Variants in FGGY observed in about 807,000 individuals in gnomAD.
FGGY encodes FGGY carbohydrate kinase domain containing.
A neutral mutation model predicts 71.3 loss-of-function variants in FGGY; 72 were observed. The observed-to-expected ratio is 1.01, with a 90% confidence interval of 0.84 to 1.23. FGGY has a LOEUF of 1.23. Ranked by LOEUF, FGGY falls within the 50% of genes most tolerant of loss-of-function variation. The pLI, the probability that FGGY is intolerant of heterozygous loss-of-function variation, is 0.00. For missense variants in FGGY, 668 were observed against 682.3 expected (o/e 0.98, Z 0.23); for synonymous variants, 251 against 250.3 (o/e 1.00, Z -0.02).
intron 4 of FGGY, among the ~76,000 whole-genome samples, chr1:59,369,611 C>T (rs1238666743): frequency 6.6e-6 from 1 of 152,230 alleles, no homozygotes; most frequent in African/African-American, 2.4e-5. Flanking sequence ...ACTGCCTCCT[C>T]AAGTGGGTCC....
At chr1:59,334,949 C>T (rs1269597729) in intron 2 of FGGY, among the ~76,000 whole-genome samples, 1 of 152,104 alleles carries the variant, frequency 6.6e-6, no homozygotes, top group African/African-American at 2.4e-5. Flanking sequence ...TCCTGCAGTT[C>T]CACCCTCAGG....
chr1:59,726,299 T>A (rs2097947289), intron 14 of FGGY, among the ~76,000 whole-genome samples: 1 of 152,180 alleles, frequency 6.6e-6, no homozygotes, highest in East Asian at 1.9e-4. Context: ...TGGTATATAA[T>A]TCCTTTTACA....
intron 11 of FGGY, among the ~76,000 whole-genome samples, chr1:59,651,233 T>A (rs1462600305): frequency 6.6e-6 from 1 of 152,212 alleles, no homozygotes; most frequent in East Asian, 1.9e-4. Context: ...TTCTGTTGAT[T>A]TGGGGGTGGA....
intron 6 of FGGY, among the ~76,000 whole-genome samples, chr1:59,499,553 C>T (rs759847850): frequency 5.3e-5 from 8 of 151,716 alleles, no homozygotes; most frequent in Non-Finnish European, 8.8e-5. Context: ...CCATGGAAAG[C>T]GAAACTGCAG....
chr1:59,593,685 A>G (rs147343433), intron 8 of FGGY, among the ~76,000 whole-genome samples: 6 of 152,210 alleles, frequency 3.9e-5, no homozygotes, highest in Non-Finnish European at 1.5e-5. Flanking sequence ...AAGAACTTTT[A>G]TCTTTATTGA....
At chr1:59,520,090 T>A (rs2094782604) in intron 7 of FGGY, among the ~76,000 whole-genome samples, 2 of 152,208 alleles carry the variant, frequency 1.3e-5, no homozygotes, top group Non-Finnish European at 2.9e-5. Flanking sequence ...CAGCTTCAAA[T>A]GTCAAATGTC....
chr1:59,637,745 T>C (rs569959506), intron 10 of FGGY, among the ~76,000 whole-genome samples: 2 of 152,340 alleles, frequency 1.3e-5, no homozygotes, highest in Admixed American at 6.5e-5. Context: ...TGGGAACTTA[T>C]AATTTCTCTC....
At chr1:59,659,245 T>C (rs2097252473) in intron 11 of FGGY, among the ~76,000 whole-genome samples, 1 of 152,126 alleles carries the variant, frequency 6.6e-6, no homozygotes, top group African/African-American at 2.4e-5. Context: ...GGTAACTGAA[T>C]GGTGCCTGTG....
At chr1:59,588,012 T>G (rs1045508765) in intron 8 of FGGY, among the ~76,000 whole-genome samples, 13 of 152,080 alleles carry the variant, frequency 8.5e-5, no homozygotes, top group African/African-American at 3.1e-4. Context: ...CAGAAGGAAA[T>G]TCAAACCAAA....
chr1:59,595,958 G>GCTGAATA (rs2096518793), intron 8 of FGGY, among the ~76,000 whole-genome samples: 1 of 152,112 alleles, frequency 6.6e-6, no homozygotes, highest in Non-Finnish European at 1.5e-5. Context: ...GTTGCCTGCA[G>GCTGAATA]CTGAATACTG....
intron 6 of FGGY, among the ~76,000 whole-genome samples, chr1:59,477,938 G>T (rs2093332885): frequency 6.6e-6 from 1 of 152,156 alleles, no homozygotes; most frequent in Admixed American, 6.5e-5. Flanking sequence ...GGGGTTGGGG[G>T]TGGTATTTAT....
chr1:59,727,261 A>G (rs892268259), intron 14 of FGGY, among the ~76,000 whole-genome samples: 2 of 152,174 alleles, frequency 1.3e-5, no homozygotes, highest in East Asian at 1.9e-4. Context: ...TGTGATGTAC[A>G]TGTTCCACAT....
intron 10 of FGGY, among the ~76,000 whole-genome samples, chr1:59,632,997 ATTTCT>A (rs1273974324): frequency 1.2e-4 from 18 of 145,842 alleles, no homozygotes; most frequent in African/African-American, 4.1e-4. Context: ...ATTATTATAC[ATTTCT>A]TTTTTTTTTT....
chr1:59,417,833 AAATT>A (rs1170668863), intron 5 of FGGY, among the ~76,000 whole-genome samples: 8 of 152,222 alleles, frequency 5.3e-5, no homozygotes, highest in African/African-American at 1.7e-4. Context: ...ACTTAAATTT[AAATT>A]AATTAACTTT....
intron 8 of FGGY, among the ~76,000 whole-genome samples, chr1:59,586,804 G>A (rs1374729987): frequency 1.3e-5 from 2 of 152,166 alleles, no homozygotes; most frequent in African/African-American, 2.4e-5. Context: ...TGCATTTGAG[G>A]AAGAAGCAGC....
chr1:59,758,261 C>T (rs1296029813), intron 15 of FGGY, among the ~76,000 whole-genome samples: 6 of 152,208 alleles, frequency 3.9e-5, no homozygotes, highest in African/African-American at 1.4e-4. Context: ...ATCTGCTCTT[C>T]TCTGTTCTAA....
At chr1:59,731,725 A>G (rs939903797) in intron 14 of FGGY, among the ~76,000 whole-genome samples, 3 of 152,120 alleles carry the variant, frequency 2.0e-5, no homozygotes, top group African/African-American at 7.2e-5. Flanking sequence ...TGTGAGGGCC[A>G]GGAGGGATTT....
chr1:59,338,764 A>G (rs915751092), intron 2 of FGGY, among the ~76,000 whole-genome samples: 30 of 152,208 alleles, frequency 2.0e-4, no homozygotes, highest in African/African-American at 7.0e-4. Flanking sequence ...ATATAGTCTG[A>G]GCAGTGCTGA....
At chr1:59,301,746 T>C (rs1250798492) in intron 1 of FGGY, among the ~76,000 whole-genome samples, 1 of 133,544 alleles carries the variant, frequency 7.5e-6, no homozygotes, top group African/African-American at 2.8e-5. Context: ...GGAGTTTCGC[T>C]CTTGTTGCCC....
Sources: allele counts gnomAD v4.1 joint callset (sites outside exome capture counted in the v4.1 genomes callset), GRCh38; gene constraint gnomAD v4.1.1; transcripts MANE v1.5; gene names NCBI Gene and HGNC (gene_info 2026-07-23, HGNC 2026-07-21).